Variants in SLC24A2 observed in about 807,000 individuals in gnomAD.
The protein encoded by SLC24A2 is solute carrier family 24 member 2.
Under a neutral mutation model 62.0 loss-of-function variants are expected in SLC24A2, and 36 were observed. That is an observed-to-expected ratio of 0.58 (90% CI 0.44 to 0.77). The LOEUF (loss-of-function observed/expected upper bound fraction) is 0.77, where lower values mean the gene tolerates loss of function less well. Ranked by LOEUF, SLC24A2 falls within the 30% of genes least tolerant of loss-of-function variation. The probability of loss-of-function intolerance (pLI) is 0.00; values close to 1 mark genes in which losing one functional copy is unlikely to be tolerated. For missense variants in SLC24A2, 846 were observed against 817.9 expected, an observed-to-expected ratio of 1.03 and a Z score of -0.42; for synonymous variants, 358 against 294.0, an observed-to-expected ratio of 1.22 and a Z score of -2.23.
At chr9:20,112,701 T>G in the SLC24A2 span, among the ~76,000 whole-genome samples, 1 of 152,072 alleles carries the variant, frequency 6.6e-6, no homozygotes, top group African/African-American at 2.4e-5. Flanking sequence ...TTTTTCTCCC[T>G]GCTCAGATTT....
intron 8 of SLC24A2, among the ~76,000 whole-genome samples, chr9:19,541,491 G>T (rs1224597138): frequency 6.7e-6 from 1 of 149,932 alleles, no homozygotes; most frequent in Admixed American, 6.6e-5. Context: ...TGCCCCTGCT[G>T]GGGGGTGCCT....
the SLC24A2 span, among the ~76,000 whole-genome samples, chr9:20,166,694 G>T: frequency 6.6e-6 from 1 of 151,920 alleles, no homozygotes; most frequent in Non-Finnish European, 1.5e-5. Flanking sequence ...AGGGATAAAA[G>T]GAATAGTAGA....
At chr9:20,225,158 G>C in the SLC24A2 span, among the ~76,000 whole-genome samples, 1 of 152,086 alleles carries the variant, frequency 6.6e-6, no homozygotes, top group African/African-American at 2.4e-5. Context: ...ACCTAAGAAA[G>C]AAGGGTACAT....
the SLC24A2 span, among the ~76,000 whole-genome samples, chr9:20,217,123 T>C: frequency 2.6e-5 from 4 of 152,150 alleles, no homozygotes; most frequent in African/African-American, 9.7e-5. Flanking sequence ...CACAGTGGAA[T>C]ACCGTACAAC....
the SLC24A2 span, among the ~76,000 whole-genome samples, chr9:19,867,573 T>C: frequency 1.3e-5 from 2 of 152,206 alleles, no homozygotes; most frequent in African/African-American, 4.8e-5. Flanking sequence ...TCCTCTTATC[T>C]TGGTCAGTCT....
At chr9:20,120,839 G>A in the SLC24A2 span, among the ~76,000 whole-genome samples, 30 of 151,956 alleles carry the variant, frequency 2.0e-4, no homozygotes, top group African/African-American at 6.5e-4. Flanking sequence ...AGGGATCAAG[G>A]TTGGTTATCC....
the SLC24A2 span, among the ~76,000 whole-genome samples, chr9:19,947,272 G>T: frequency 6.6e-6 from 1 of 152,084 alleles, no homozygotes; most frequent in Non-Finnish European, 1.5e-5. Flanking sequence ...ATACAGACAG[G>T]TGCCATCTTT....
the SLC24A2 span, among the ~76,000 whole-genome samples, chr9:20,118,640 TTAAAAG>T: frequency 6.6e-6 from 1 of 151,686 alleles, no homozygotes; most frequent in South Asian, 2.1e-4. Flanking sequence ...GAAAAATCAG[TTAAAAG>T]TAAAAAAAGA....
chr9:20,135,429 T>A, the SLC24A2 span, among the ~76,000 whole-genome samples: 22 of 152,206 alleles, frequency 1.4e-4, no homozygotes, highest in East Asian at 4.2e-3. Context: ...CAGATGTCAG[T>A]TCCAATCCTG....
the SLC24A2 span, among the ~76,000 whole-genome samples, chr9:20,086,638 C>T: frequency 6.6e-6 from 1 of 152,144 alleles, no homozygotes; most frequent in African/African-American, 2.4e-5. Flanking sequence ...CAGTCTGAGT[C>T]TTGTCTCAGC....
chr9:20,021,217 G>A, the SLC24A2 span, among the ~76,000 whole-genome samples: 335 of 152,124 alleles, frequency 2.2e-3, 2 homozygotes, highest in African/African-American at 7.7e-3. Flanking sequence ...AGGTAAAACT[G>A]GAAGGTGAGT....
intron 2 of SLC24A2, among the ~76,000 whole-genome samples, chr9:19,700,764 C>A (rs1327781819): frequency 6.6e-6 from 1 of 152,192 alleles, no homozygotes; most frequent in African/African-American, 2.4e-5. Context: ...CTCAGAACTT[C>A]TCAGGCCTGG....
chr9:19,557,748 CTT>C (rs10711958), intron 7 of SLC24A2, among the ~76,000 whole-genome samples: 7 of 141,664 alleles, frequency 4.9e-5, no homozygotes, highest in Non-Finnish European at 7.7e-5. Context: ...ATTTAATTGA[CTT>C]TTTTTTTTTT....
At chr9:19,999,548 T>C in the SLC24A2 span, among the ~76,000 whole-genome samples, 834 of 152,340 alleles carry the variant, frequency 5.5e-3, 5 homozygotes, top group African/African-American at 0.019. Flanking sequence ...GAGTAAACTC[T>C]ATATTTCATC....
At chr9:20,296,484 TTGTG>T in the SLC24A2 span, among the ~76,000 whole-genome samples, 2 of 152,260 alleles carry the variant, frequency 1.3e-5, no homozygotes, top group Admixed American at 6.5e-5. Context: ...AATGTTGACT[TTGTG>T]TGTAAGCACT....
intron 4 of SLC24A2, among the ~76,000 whole-genome samples, chr9:19,605,948 C>A (rs1163144381): frequency 6.6e-6 from 1 of 152,214 alleles, no homozygotes; most frequent in East Asian, 1.9e-4. Context: ...TGCTCAGTAA[C>A]TAACTCTGCT....
chr9:19,881,868 G>A, the SLC24A2 span, among the ~76,000 whole-genome samples: 1 of 152,240 alleles, frequency 6.6e-6, no homozygotes, highest in Non-Finnish European at 1.5e-5. Context: ...CATGGACTCA[G>A]GAGTATATTT....
intron 2 of SLC24A2, among the ~76,000 whole-genome samples, chr9:19,754,459 T>G (rs1822074904): frequency 6.6e-6 from 1 of 152,220 alleles, no homozygotes; most frequent in Non-Finnish European, 1.5e-5. Flanking sequence ...CAGTGTCTAT[T>G]CCACTTTCCT....
At chr9:20,138,261 A>T in the SLC24A2 span, among the ~76,000 whole-genome samples, 1 of 152,204 alleles carries the variant, frequency 6.6e-6, no homozygotes, top group Non-Finnish European at 1.5e-5. Context: ...ATGCAGGCTC[A>T]ATAAAACTGC....
Sources: gnomAD v4.1 joint callset for allele counts (sites outside exome capture counted in the v4.1 genomes callset) on GRCh38, gnomAD v4.1.1 for gene constraint, MANE v1.5 for transcripts, NCBI Gene and HGNC (gene_info 2026-07-23, HGNC 2026-07-21) for gene names.